PIP5K1B: variants seen among roughly 807,000 people sequenced by gnomAD.
PIP5K1B encodes the protein phosphatidylinositol 4-phosphate 5-kinase type-1 beta.
Under a neutral mutation model 67.0 loss-of-function variants are expected in PIP5K1B, and 42 were observed. The observed-to-expected ratio is 0.63, with a 90% CI of 0.49 to 0.81. The LOEUF is 0.81. PIP5K1B is among the 30% of genes least tolerant of loss of function. The pLI, the probability that PIP5K1B is intolerant of heterozygous loss-of-function variation, is 0.00. For missense variants in PIP5K1B, 459 were observed against 646.3 expected, an observed-to-expected ratio of 0.71 and a Z score of 3.14; for synonymous variants, 214 against 231.4, an observed-to-expected ratio of 0.92 and a Z score of 0.68.
chr9:68,708,418 C>T (rs1412347098), intron 1 of PIP5K1B, among the ~76,000 whole-genome samples: 1 of 152,146 alleles, frequency 6.6e-6, no homozygotes, highest in Non-Finnish European at 1.5e-5. Flanking sequence ...CATGTGCCTC[C>T]TGAAGCTGGC....
chr9:68,791,559 C>T (rs1204089680), intron 2 of PIP5K1B, among the ~76,000 whole-genome samples: 1 of 152,090 alleles, frequency 6.6e-6, no homozygotes, highest in Non-Finnish European at 1.5e-5. Context: ...TCCCTTGATG[C>T]TCTCTTCTTT....
At chr9:68,978,030 A>C (rs1200135043) in intron 14 of PIP5K1B, among the ~76,000 whole-genome samples, 1 of 152,078 alleles carries the variant, frequency 6.6e-6, no homozygotes, top group Non-Finnish European at 1.5e-5. Context: ...AGCTTTATTG[A>C]GGTATACTTA....
intron 12 of PIP5K1B, among the ~76,000 whole-genome samples, chr9:68,933,789 A>G (rs1587687732): frequency 6.6e-6 from 1 of 152,178 alleles, no homozygotes; most frequent in Non-Finnish European, 1.5e-5. Flanking sequence ...AGGGACAAAT[A>G]AACCTTCCCT....
intron 14 of PIP5K1B, among the ~76,000 whole-genome samples, chr9:68,984,377 A>G (rs542417178): frequency 6.6e-6 from 1 of 152,340 alleles, no homozygotes; most frequent in East Asian, 1.9e-4. Flanking sequence ...TTAGGCAAGT[A>G]ACATGCCATT....
chr9:68,859,055 G>A (rs376321744), intron 4 of PIP5K1B, among the ~76,000 whole-genome samples: 23 of 152,318 alleles, frequency 1.5e-4, no homozygotes, highest in Non-Finnish European at 2.2e-4. Flanking sequence ...GTAGAATGCC[G>A]TATTGGGAGC....
At chr9:68,965,277 G>A (rs1008131569) in intron 14 of PIP5K1B, among the ~76,000 whole-genome samples, 1 of 152,174 alleles carries the variant, frequency 6.6e-6, no homozygotes, top group Non-Finnish European at 1.5e-5. Context: ...AATTAGTTCT[G>A]TGATTTAATT....
At chr9:68,722,702 G>C (rs1322320194) in intron 1 of PIP5K1B, among the ~76,000 whole-genome samples, 1 of 151,218 alleles carries the variant, frequency 6.6e-6, no homozygotes, top group Non-Finnish European at 1.5e-5. Context: ...TATAATAGTT[G>C]TAGATATGTT....
intron 4 of PIP5K1B, among the ~76,000 whole-genome samples, chr9:68,828,794 C>G (rs762696569): frequency 6.6e-6 from 1 of 152,060 alleles, no homozygotes; most frequent in Admixed American, 6.5e-5. Flanking sequence ...TTTCTATGGC[C>G]GAGCATGGTG....
chr9:68,984,505 A>T lies in PIP5K1B; in HGVS notation c.1503-6635A>T, dbSNP rs1448489832. 2.6e-5 allele frequency among the ~76,000 whole-genome samples: 4 copies of T among 152,240 alleles called. No homozygotes were observed. The East Asian group carries it at 7.7e-4, about 29-fold the overall frequency. ...AGACAATAATAATTTCAGATTATTC[A>T]GAATACATTTAATGGTACTTTACTG... On this transcript the variant is annotated intron_variant, in intron 14 of 15. Coordinates refer to ENST00000265382, the MANE Select transcript of PIP5K1B (RefSeq NM_003558.4).
intron 1 of PIP5K1B, among the ~76,000 whole-genome samples, chr9:68,735,060 A>G (rs1209172562): frequency 1.3e-5 from 2 of 152,222 alleles, no homozygotes; most frequent in Non-Finnish European, 2.9e-5. Context: ...GAATGACTTT[A>G]TGGCATGGAA....
chr9:68,925,815 T>TTTTTTTTTTTAA (rs1826669153), intron 12 of PIP5K1B, among the ~76,000 whole-genome samples: 2 of 145,714 alleles, frequency 1.4e-5, no homozygotes, highest in Admixed American at 6.9e-5. Flanking sequence ...TTTTTTTTTT[T>TTTTTTTTTTTAA]GAGACAGGGT....
At chr9:68,710,180 C>T (rs2132233914) in intron 1 of PIP5K1B, among the ~76,000 whole-genome samples, 1 of 152,200 alleles carries the variant, frequency 6.6e-6, no homozygotes. Flanking sequence ...GTTGCTGAAA[C>T]ATGTTCTCTT....
At chr9:68,867,394 T>G (rs758937258) in intron 5 of PIP5K1B, among the ~76,000 whole-genome samples, 6 of 152,246 alleles carry the variant, frequency 3.9e-5, no homozygotes, top group Non-Finnish European at 8.8e-5. Context: ...GAAACTTATG[T>G]TAGTCTTGCC....
chr9:68,824,537 G>T (rs1040762369), intron 4 of PIP5K1B, among the ~76,000 whole-genome samples: 7 of 152,076 alleles, frequency 4.6e-5, no homozygotes, highest in Admixed American at 2.0e-4. Context: ...TTTTTTTAAT[G>T]AACAATTTTT....
intron 15 of PIP5K1B, among the ~76,000 whole-genome samples, chr9:68,993,433 G>A (rs1432456385): frequency 6.6e-6 from 1 of 151,708 alleles, no homozygotes; most frequent in Non-Finnish European, 1.5e-5. Context: ...TTTCTTGACC[G>A]CCCCCTACGT....
At chr9:68,990,082 A>G (rs539599390) in intron 14 of PIP5K1B, among the ~76,000 whole-genome samples, 8 of 152,270 alleles carry the variant, frequency 5.3e-5, no homozygotes, top group Non-Finnish European at 1.2e-4. Flanking sequence ...ATGACTCTCC[A>G]ATATACTGTC....
At chr9:68,847,954 G>A (rs1255523102) in intron 4 of PIP5K1B, among the ~76,000 whole-genome samples, 2 of 152,184 alleles carry the variant, frequency 1.3e-5, no homozygotes, top group Non-Finnish European at 2.9e-5. Flanking sequence ...TGCTATTTCT[G>A]TAATTCTATG....
intron 4 of PIP5K1B, 93 bp from the exon 5 acceptor site, chr9:68,863,744 G>A: frequency 9.6e-7 from 1 of 1,044,768 alleles, no homozygotes; most frequent in South Asian, 2.1e-5. Flanking sequence ...GAGCAAGAAA[G>A]AGAATTGAAC....
chr9:68,994,320 G>A lies in PIP5K1B; in HGVS notation c.1620+3063G>A, dbSNP rs546398253. Among the ~76,000 whole-genome samples the A allele has an allele frequency of 7.2e-5, 11 of 152,176 alleles. No individual in the cohort carries two copies. In the East Asian group the frequency reaches 2.1e-3, roughly 29 times the overall value. ...GCCTCCCAAAGTGCTGGGATTATAG[G>A]AGTGAGCCACTGCACCTAGCCAAAA... On this transcript the variant is annotated intron_variant, in intron 15 of 15. Transcript: ENST00000265382.
Sources: allele counts gnomAD v4.1 joint callset (sites outside exome capture counted in the v4.1 genomes callset), GRCh38; gene constraint gnomAD v4.1.1; transcripts MANE v1.5; gene names NCBI Gene and HGNC (gene_info 2026-07-23, HGNC 2026-07-21).